The following FOXK1 variants were observed in gnomAD, a reference collection of about 807,000 sequenced individuals.
The protein encoded by FOXK1 is forkhead box K1.
FOXK1 carries 19 observed loss-of-function variants against 51.9 expected under a neutral mutation model. The observed-to-expected ratio is 0.37, with a 90% confidence interval of 0.26 to 0.54. The LOEUF is 0.54. Ranked by LOEUF, FOXK1 falls within the 20% of genes least tolerant of loss-of-function variation. The pLI, the probability that FOXK1 is intolerant of heterozygous loss-of-function variation, is 0.87. For synonymous variants in FOXK1, 537 were observed against 482.6 expected, an observed-to-expected ratio of 1.11 and a Z score of -1.48; for missense variants, 870 against 1,032.7, an observed-to-expected ratio of 0.84 and a Z score of 2.16.
chr7:4,704,450 CAA>C (rs3050383), intron 1 of FOXK1, among the ~76,000 whole-genome samples: 9 of 66,448 alleles, frequency 1.4e-4, no homozygotes, highest in Admixed American at 1.7e-4. Context: ...GACTCTGTCT[CAA>C]AAAAAAAAAA....
chr7:4,705,556 T>G (rs1044788593), intron 1 of FOXK1, among the ~76,000 whole-genome samples: 3 of 145,406 alleles, frequency 2.1e-5, no homozygotes, highest in South Asian at 2.3e-4. Flanking sequence ...TCTCTCTCTC[T>G]CTCGCTCTCG....
chr7:4,697,007 G>A (rs1779962001), intron 1 of FOXK1, among the ~76,000 whole-genome samples: 1 of 152,204 alleles, frequency 6.6e-6, no homozygotes. Context: ...GGCGGAGGTT[G>A]CAGTGAGCCG....
intron 1 of FOXK1, among the ~76,000 whole-genome samples, chr7:4,721,789 C>T (rs1037346014): frequency 1.3e-5 from 2 of 151,924 alleles, no homozygotes; most frequent in Non-Finnish European, 2.9e-5. Context: ...CAGAGTTTCA[C>T]CGTATTGACC....
Position 4,740,929 on chromosome 7 carries a change from C to G in FOXK1, c.652C>G (p.Leu218Val), listed in dbSNP as rs775182634. Residue 218 changes from leucine to valine, a missense_variant, in exon 2 of 9, where the codon CTG becomes GTG. Physicochemically the swap from Leu to Val is conservative, Grantham distance 32. Transcript: ENST00000328914. ...GGCCCCAGCCTCCCCGCTGCGGCCACTGTACCCCCAGATCTCCCCTCTGAA... is the reference window on the plus strand; with the variant it reads ...GGCCCCAGCCTCCCCGCTGCGGCCAGTGTACCCCCAGATCTCCCCTCTGAA... ...EEAPASPLRP[L>V]YPQISPLKIH... 7 of 1,586,296 alleles carry G rather than the reference C, an allele frequency of 4.4e-6. No individual in the cohort carries two copies. The highest frequency in any genetic ancestry group is 6.0e-6 in the Non-Finnish European group (7 of 1,168,172).
rs1780969832 is a variant in FOXK1 at position 4,763,738 on chromosome 7, TCTTTG to T, written c.*1275_*1279del. 1 of 152,300 alleles carries T rather than the reference TCTTTG, an allele frequency of 6.6e-6. No homozygotes were observed. The highest frequency in any genetic ancestry group is 1.5e-5 in the Non-Finnish European group (1 of 68,092). The allele number at this position is 152,300 out of a possible 1,614,324, so 9.4% of individuals were successfully genotyped here. On this transcript the variant is annotated 3_prime_UTR_variant, in exon 9 of 9. Coordinates refer to ENST00000328914, the MANE Select transcript of FOXK1 (RefSeq NM_001037165.2). Reference sequence around the variant, plus strand: ...ATTAAGACAGCCAGTGGTTCCTGGATCTTTGTCACCAAGCAGCGTTGAGCCAGAGC... The same window carrying T: ...ATTAAGACAGCCAGTGGTTCCTGGATTCACCAAGCAGCGTTGAGCCAGAGC...
Position 4,756,923 on chromosome 7 carries a change from G to C in FOXK1, c.1051-71G>C, listed in dbSNP as rs779362734. ...CCCTCACCCTGGTCCCGCATCTGCT[G>C]CAGATTTGAGGTGGGTGGGACTCAT... On this transcript the variant is annotated intron_variant, in intron 4 of 8. Coordinates refer to ENST00000328914, the MANE Select transcript of FOXK1 (RefSeq NM_001037165.2). The surrounding 1 kb of genome is among the most constrained non-coding windows in gnomAD (Gnocchi z 4.1). The C allele has an allele frequency of 1.2e-5, 19 of 1,534,388 alleles. No homozygotes were observed. Among genetic ancestry groups the C allele is most frequent in the Non-Finnish European group, 1.7e-5 (19 of 1,126,656 alleles).
intron 1 of FOXK1, among the ~76,000 whole-genome samples, chr7:4,685,221 C>CTTTTTTTTTTTT (rs55891300): frequency 1.9e-5 from 2 of 102,618 alleles, no homozygotes; most frequent in African/African-American, 3.5e-5. Flanking sequence ...GAGCTATTTG[C>CTTTTTTTTTTTT]TTTTTTTTTT....
Position 4,743,988 on chromosome 7 carries a change from T to G in FOXK1, c.746+2965T>G, listed in dbSNP as rs1211420258. On this transcript the variant is annotated intron_variant, in intron 2 of 8. Transcript: ENST00000328914. The surrounding 1 kb of genome is among the most constrained non-coding windows in gnomAD (Gnocchi z 5.3). The stretch of plus-strand genomic sequence containing the variant: ...ACCTCCCTGGTTCAAGCAATTCCCC[T>G]GTCTCAGCCTTGAGAGTAGGTGGGA... Among the ~76,000 whole-genome samples, 9 of 151,864 alleles carry G rather than the reference T, an allele frequency of 5.9e-5. No homozygotes were observed. The highest frequency in any genetic ancestry group is 2.2e-4 in the African/African-American group (9 of 41,308).
Position 4,703,750 on chromosome 7 carries a change from A to C in FOXK1, c.560+20882A>C, listed in dbSNP as rs184944739. ...GGAGGCCCTTCAGTGCTCCGGAGGC[A>C]CTTTCAGAGCATCGTGACTAGATAA... is the stretch of plus-strand genomic sequence containing the variant. On this transcript the variant is annotated intron_variant, in intron 1 of 8. Coordinates refer to ENST00000328914, the MANE Select transcript of FOXK1 (RefSeq NM_001037165.2). This position sits in a 1 kb window ranked among gnomAD's most constrained non-coding sequence, Gnocchi z 5.6. 9.2e-5 allele frequency among the ~76,000 whole-genome samples: 14 copies of C among 152,318 alleles called. No homozygotes were observed. In the East Asian group the frequency reaches 2.7e-3, roughly 29 times the overall value.
intron 1 of FOXK1, among the ~76,000 whole-genome samples, chr7:4,690,554 A>G (rs1467472562): frequency 6.6e-6 from 1 of 152,254 alleles, no homozygotes; most frequent in Admixed American, 6.5e-5. Flanking sequence ...CTTGCCGCCC[A>G]TTTAAGAAAA....
chr7:4,684,831 AT>A (rs527904519), intron 1 of FOXK1, among the ~76,000 whole-genome samples: 5 of 149,620 alleles, frequency 3.3e-5, no homozygotes, highest in Admixed American at 1.3e-4. Context: ...CTTTCACGGT[AT>A]TTTTTTTTTG....
intron 1 of FOXK1, among the ~76,000 whole-genome samples, chr7:4,728,346 C>A (rs2115052931): frequency 6.6e-6 from 1 of 152,330 alleles, no homozygotes; most frequent in South Asian, 2.1e-4. Flanking sequence ...GATTTTAACC[C>A]TCAGTCCTCG....
chr7:4,750,089 G>A (rs955886663), intron 2 of FOXK1, among the ~76,000 whole-genome samples: 9 of 152,230 alleles, frequency 5.9e-5, no homozygotes, highest in Admixed American at 2.0e-4. Context: ...CGCCTGAGGC[G>A]GAAATGTGAC....
rs187866118 is a variant in FOXK1, at chr7:4,762,538, C to T, written c.*74C>T. 139 of 1,440,710 alleles carry T rather than the reference C, an allele frequency of 9.6e-5. No individual in the cohort carries two copies. In the African/African-American group the frequency reaches 1.6e-3, roughly 16 times the overall value. 89.2% of individuals were successfully genotyped at this position (1,440,710 alleles called of 1,614,324 possible). ...AGCTGGACCCGGCAGCTCAGGCGGC[C>T]GCACCCACAGACGGAGGAGAACAGC... On this transcript the variant is annotated 3_prime_UTR_variant, in exon 9 of 9. Transcript: ENST00000328914. This position sits in a 1 kb window ranked among gnomAD's most constrained non-coding sequence, Gnocchi z 5.7.
chr7:4,724,132 A>G (rs1780348396), intron 1 of FOXK1, among the ~76,000 whole-genome samples: 1 of 152,170 alleles, frequency 6.6e-6, no homozygotes, highest in African/African-American at 2.4e-5. Flanking sequence ...GCAGTGCCCA[A>G]GACCTCCGTG....
In FOXK1 at chr7:4,753,441, G is replaced by A. The variant is rs930772394; in HGVS notation, c.747-1018G>A. Among the ~76,000 whole-genome samples the A allele has an allele frequency of 6.6e-6, 1 of 152,066 alleles. No homozygotes were observed. The highest frequency in any genetic ancestry group is 1.5e-5 in the Non-Finnish European group (1 of 68,000). ...GTTCTGGGTGGTTCTGGATGGTTCT[G>A]GGTGGCCTGCAGGGCAGTGCAGCAG... On this transcript the variant is annotated intron_variant, in intron 2 of 8. Transcript: ENST00000328914. The surrounding 1 kb of genome is among the most constrained non-coding windows in gnomAD (Gnocchi z 4.9).
At chr7:4,686,937 CTTT>C (rs751835527) in intron 1 of FOXK1, among the ~76,000 whole-genome samples, 2 of 117,208 alleles carry the variant, frequency 1.7e-5, no homozygotes, top group Admixed American at 8.1e-5. Context: ...TTTTTCTTTT[CTTT>C]TTTTTTTTTT....
chr7:4,737,246 A>C (rs1780564669), intron 1 of FOXK1, among the ~76,000 whole-genome samples: 1 of 152,240 alleles, frequency 6.6e-6, no homozygotes, highest in Admixed American at 6.5e-5. Flanking sequence ...CTTTCACGAC[A>C]CAGAAAGTCA....
Position 4,682,979 on chromosome 7 carries a change from C to T in FOXK1, c.560+111C>T. The T allele has an allele frequency of 2.7e-6, 3 of 1,103,870 alleles. No individual in the cohort carries two copies. The highest frequency in any genetic ancestry group is 3.6e-6 in the Non-Finnish European group (3 of 825,288). The allele number at this position is 1,103,870 out of a possible 1,614,324, so 68.4% of individuals were successfully genotyped here. ...CCAGCTTCCTCGGCCTCGACCCCCA[C>T]CCCCCGGCCCACCCCCGGTAACCCC... On this transcript the variant is annotated intron_variant, in intron 1 of 8. Coordinates refer to ENST00000328914, the MANE Select transcript of FOXK1 (RefSeq NM_001037165.2). This position sits in a 1 kb window ranked among gnomAD's most constrained non-coding sequence, Gnocchi z 7.6.
Sources: allele counts gnomAD v4.1 joint callset (sites outside exome capture counted in the v4.1 genomes callset), GRCh38; gene constraint gnomAD v4.1.1; non-coding constraint Gnocchi (gnomAD v3.1); transcripts MANE v1.5; gene names NCBI Gene and HGNC (gene_info 2026-07-23, HGNC 2026-07-21).